Variants in PCDHGA3 observed in about 807,000 individuals in gnomAD.
PCDHGA3 encodes protocadherin gamma-A3.
In PCDHGA3, 40 loss-of-function variants were observed where a neutral mutation model predicts 58.5. The observed-to-expected ratio is 0.68, with a 90% CI of 0.53 to 0.89. The LOEUF (loss-of-function observed/expected upper bound fraction) is 0.89, where lower values mean the gene tolerates loss of function less well. Ranked by LOEUF, PCDHGA3 falls within the 40% of genes least tolerant of loss-of-function variation. The pLI is 0.00. For synonymous variants in PCDHGA3, 530 were observed against 525.7 expected, an observed-to-expected ratio of 1.01 and a Z score of -0.11; for missense variants, 1,223 against 1,195.9, an observed-to-expected ratio of 1.02 and a Z score of -0.33.
Position 141,431,303 on chromosome 5 carries a change from G to A in PCDHGA3, c.2425-63504G>A, listed in dbSNP as rs777784010. 2 of 1,613,942 alleles carry A rather than the reference G, an allele frequency of 1.2e-6. No homozygotes were observed. The highest frequency in any genetic ancestry group is 2.7e-5 in the African/African-American group (2 of 74,916). ...CCCGAACACTCACTTCTCCCTCATC[G>A]TGCAAAATGGAGCCGACGGTAGTAA... On this transcript the variant is annotated intron_variant, in intron 1 of 3. Transcript: ENST00000253812. The surrounding 1 kb of genome is among the most constrained non-coding windows in gnomAD (Gnocchi z 4.8).
intron 1 of PCDHGA3, chr5:141,366,048 C>A (rs777611384): frequency 1.2e-6 from 2 of 1,614,144 alleles, no homozygotes; most frequent in Non-Finnish European, 1.7e-6. Flanking sequence ...GACGGTTCCA[C>A]GGGCGTGGAG....
intron 1 of PCDHGA3, chr5:141,423,261 C>T (rs1181343306): frequency 6.2e-7 from 1 of 1,613,870 alleles, no homozygotes; most frequent in Non-Finnish European, 8.5e-7. Flanking sequence ...ACCTCGGCAG[C>T]CTCGAGTCTC....
In PCDHGA3 at chr5:141,390,041, C is replaced by A. The variant is rs373243233; in HGVS notation, c.2424+43584C>A. On this transcript the variant is annotated intron_variant, in intron 1 of 3. Coordinates refer to ENST00000253812, the MANE Select transcript of PCDHGA3 (RefSeq NM_018916.4). ...TGCGCCTGCGACGCTCCTCCAGCCC[C>A]GCCTCCTGGAGCTGCTTCCAGCCTG... is the stretch of plus-strand genomic sequence containing the variant. The A allele has an allele frequency of 3.7e-6, 6 of 1,613,940 alleles. No homozygotes were observed. In the African/African-American group the frequency reaches 8.0e-5, roughly 22 times the overall value.
intron 1 of PCDHGA3, among the ~76,000 whole-genome samples, chr5:141,406,812 T>G (rs528041804): frequency 6.6e-6 from 1 of 152,350 alleles, no homozygotes; most frequent in East Asian, 1.9e-4. Context: ...CTCCAACTTT[T>G]GAGTCTAGAA....
At chr5:141,452,240 C>G (rs1365703172) in intron 1 of PCDHGA3, among the ~76,000 whole-genome samples, 1 of 152,084 alleles carries the variant, frequency 6.6e-6, no homozygotes, top group Non-Finnish European at 1.5e-5. Flanking sequence ...TTCTTGTGTC[C>G]TTTTGCCATA....
At chr5:141,414,231 C>T (rs2095722548) in intron 1 of PCDHGA3, 1 of 1,613,304 alleles carries the variant, frequency 6.2e-7, no homozygotes, top group South Asian at 1.1e-5. Flanking sequence ...CAGAGCTGAC[C>T]ATCACGTCTC....
chr5:141,374,158 G>A (rs1471227184), intron 1 of PCDHGA3: 6 of 1,612,290 alleles, frequency 3.7e-6, no homozygotes, highest in African/African-American at 1.3e-5. Context: ...CGCTGTGGGG[G>A]GCCGCGGCAG....
At chr5:141,374,467 C>T (rs1430397717) in intron 1 of PCDHGA3, 2 of 1,612,694 alleles carry the variant, frequency 1.2e-6, no homozygotes, top group Non-Finnish European at 1.7e-6. Flanking sequence ...ACATTAATGA[C>T]AATACACCCC....
intron 1 of PCDHGA3, chr5:141,392,681 G>T: frequency 1.9e-6 from 2 of 1,026,496 alleles, no homozygotes; most frequent in Non-Finnish European, 2.7e-6. Flanking sequence ...CTGGACTGCA[G>T]CGAAACCCGA....
At chr5:141,402,597 T>G (rs1268830791) in intron 1 of PCDHGA3, among the ~76,000 whole-genome samples, 1 of 152,254 alleles carries the variant, frequency 6.6e-6, no homozygotes, top group African/African-American at 2.4e-5. Context: ...TAGATTGCTT[T>G]TGAAATACAA....
chr5:141,345,026 C>T lies in PCDHGA3; in HGVS notation c.993C>T (p.Ala331=), dbSNP rs368099113. The T allele has an allele frequency of 2.1e-5, 34 of 1,613,744 alleles. No homozygotes were observed. In the African/African-American group the frequency reaches 4.1e-4, roughly 20 times the overall value. The change falls in exon 1 of 4, where the codon GCC becomes GCT. Residue 331 remains alanine, a synonymous_variant. Transcript: ENST00000253812. ...AQDGPGLLSR[A]KILVTVLDVN... ...ATGGACCAGGTCTTCTTTCAAGAGC[C>T]AAGATTCTAGTCACGGTTCTGGATG...
chr5:141,355,499 C>T (rs770091797), intron 1 of PCDHGA3: 1 of 1,614,044 alleles, frequency 6.2e-7, no homozygotes, highest in South Asian at 1.1e-5. Context: ...GACAGATCTC[C>T]AAACTGTGTG....
Position 141,490,027 on chromosome 5 carries a change from CG to C in PCDHGA3, c.2425-4779del. The C allele has an allele frequency of 6.2e-7, 1 of 1,614,214 alleles. No individual in the cohort carries two copies. Among genetic ancestry groups the C allele is most frequent in the Admixed American group, 1.7e-5 (1 of 60,032 alleles). On this transcript the variant is annotated intron_variant, in intron 1 of 3. Transcript: ENST00000253812. The surrounding 1 kb of genome is among the most constrained non-coding windows in gnomAD (Gnocchi z 5.4). Reference sequence around the variant, plus strand: ...TGCACCCATTGGTACTCTGCTGCTCCGCCTCAATGCCACTGATCCAGACGAG... The same window carrying C: ...TGCACCCATTGGTACTCTGCTGCTCCCCTCAATGCCACTGATCCAGACGAG...
At chr5:141,407,976 G>T (rs1392473551) in intron 1 of PCDHGA3, 2 of 742,146 alleles carry the variant, frequency 2.7e-6, no homozygotes, top group South Asian at 2.3e-5. Flanking sequence ...CTGACGCCGG[G>T]GATCCGTCAG....
intron 1 of PCDHGA3, chr5:141,359,974 G>A: frequency 1.4e-5 from 10 of 717,304 alleles, no homozygotes; most frequent in Non-Finnish European, 2.0e-5. Context: ...GCGTTTGGGA[G>A]CCTCTTAGAG....
At chr5:141,377,761 T>C (rs917483532) in intron 1 of PCDHGA3, 27 of 152,190 alleles carry the variant, frequency 1.8e-4, no homozygotes, top group African/African-American at 5.8e-4. Context: ...GGACACCAGA[T>C]CTTTGGTGTT....
intron 1 of PCDHGA3, chr5:141,382,967 C>T (rs779802932): frequency 6.2e-7 from 1 of 1,609,176 alleles, no homozygotes; most frequent in Non-Finnish European, 8.5e-7. Context: ...CTGGGGACCC[C>T]CTGGGAAGCC....
intron 1 of PCDHGA3, chr5:141,415,308 C>G (rs2154545628): frequency 6.2e-7 from 1 of 1,614,236 alleles, no homozygotes; most frequent in Non-Finnish European, 8.5e-7. Context: ...TCCTGGCCTT[C>G]GTCATCGTGC....
At position 141,431,994 on chromosome 5, in the gene PCDHGA3, G is replaced by C; in HGVS notation, c.2425-62813G>C. ...TTAGTCACAGACATAGTCTTGGATA[G>C]GGAACAGGTTCCTAGCTACAACATC... is the stretch of plus-strand genomic sequence containing the variant. On this transcript the variant is annotated intron_variant, in intron 1 of 3. Coordinates refer to ENST00000253812, the MANE Select transcript of PCDHGA3 (RefSeq NM_018916.4). The surrounding 1 kb of genome is among the most constrained non-coding windows in gnomAD (Gnocchi z 4.8). 1.9e-6 allele frequency: 3 copies of C among 1,614,188 alleles called. 1 individual carries two copies. The highest frequency in any genetic ancestry group is 2.2e-5 in the South Asian group (2 of 91,082).
Sources: gnomAD v4.1 joint callset for allele counts (sites outside exome capture counted in the v4.1 genomes callset) on GRCh38, gnomAD v4.1.1 for gene constraint, Gnocchi (gnomAD v3.1) non-coding constraint, MANE v1.5 for transcripts, NCBI Gene and HGNC (gene_info 2026-07-23, HGNC 2026-07-21) for gene names.